ATG7: variants seen among roughly 807,000 people sequenced by gnomAD.
The protein encoded by ATG7 is autophagy related 7.
A neutral mutation model predicts 82.4 loss-of-function variants in ATG7; 70 were observed. The observed-to-expected ratio is 0.85, with a 90% CI of 0.70 to 1.04. The LOEUF (loss-of-function observed/expected upper bound fraction) is 1.04. ATG7 is among the 50% of genes least tolerant of loss of function. The pLI, the probability that ATG7 is intolerant of heterozygous loss-of-function variation, is 0.00. For missense variants in ATG7, 792 were observed against 864.3 expected (o/e 0.92, Z 1.05); for synonymous variants, 287 against 313.0 (o/e 0.92, Z 0.88).
chr3:11,557,549 C>T lies in ATG7; in HGVS notation c.*2706C>T, dbSNP rs2072557360. On this transcript the variant is annotated 3_prime_UTR_variant, in exon 21 of 21. Transcript: ENST00000693202. ...TCGCGAGGGCCTGCCAGGAGCTGGC[C>T]TCCCGCACTACTTGTGAGTAAAGTG... 1 of 152,532 alleles carries T rather than the reference C, an allele frequency of 6.6e-6. No individual in the cohort carries two copies. The highest frequency in any genetic ancestry group is 1.5e-5 in the Non-Finnish European group (1 of 68,040). The allele number at this position is 152,532 out of a possible 1,614,324, so 9.4% of individuals were successfully genotyped here.
chr3:11,510,978 G>T (rs2092022594), intron 20 of ATG7, among the ~76,000 whole-genome samples: 1 of 152,034 alleles, frequency 6.6e-6, no homozygotes, highest in Non-Finnish European at 1.5e-5. Context: ...TCTGGAGTCT[G>T]TCCCTTCTGA....
chr3:11,541,083 G>A (rs995581009), intron 20 of ATG7, among the ~76,000 whole-genome samples: 7 of 152,166 alleles, frequency 4.6e-5, no homozygotes, highest in East Asian at 3.9e-4. Context: ...TGTATTTTTA[G>A]TAGAGACGGG....
intron 3 of ATG7, among the ~76,000 whole-genome samples, chr3:11,297,725 C>T (rs947086457): frequency 1.3e-5 from 2 of 152,124 alleles, no homozygotes; most frequent in Non-Finnish European, 2.9e-5. Flanking sequence ...TGGGGAGAAG[C>T]ATATCCTCAT....
the ATG7 span, chr3:11,564,674 C>T: frequency 4.1e-6 from 5 of 1,206,626 alleles, no homozygotes; most frequent in Non-Finnish European, 5.7e-6. Flanking sequence ...CCCTCACCAC[C>T]TCCCTCCCTC....
At chr3:11,460,577 C>T (rs183998140) in intron 20 of ATG7, among the ~76,000 whole-genome samples, 16 of 152,292 alleles carry the variant, frequency 1.1e-4, no homozygotes, top group African/African-American at 3.9e-4. Flanking sequence ...CCTCAGAGTA[C>T]TTCCCATTCA....
chr3:11,476,330 G>T (rs890169501), intron 20 of ATG7, among the ~76,000 whole-genome samples: 2 of 152,116 alleles, frequency 1.3e-5, no homozygotes, highest in African/African-American at 4.8e-5. Context: ...TCTAGGAATA[G>T]CTGTCCTAAT....
At chr3:11,316,917 CTGAACTTAGGA>C (rs1210710034) in intron 9 of ATG7, among the ~76,000 whole-genome samples, 1 of 152,060 alleles carries the variant, frequency 6.6e-6, no homozygotes, top group Non-Finnish European at 1.5e-5. Context: ...ATTCTTTAGC[CTGAACTTAGGA>C]TGACTTTTTT....
At chr3:11,497,591 T>C (rs1489129555) in intron 20 of ATG7, among the ~76,000 whole-genome samples, 2 of 150,840 alleles carry the variant, frequency 1.3e-5, no homozygotes, top group Non-Finnish European at 2.9e-5. Context: ...TTCCGTAGTC[T>C]TTACCCTATC....
chr3:11,552,712 T>C (rs1395238945), intron 20 of ATG7, among the ~76,000 whole-genome samples: 1 of 152,148 alleles, frequency 6.6e-6, no homozygotes, highest in Non-Finnish European at 1.5e-5. Flanking sequence ...GTCTTCTGGG[T>C]GTCTCGCAGG....
intron 20 of ATG7, among the ~76,000 whole-genome samples, chr3:11,496,856 TTTTTA>T (rs746326585): frequency 1.2e-3 from 183 of 152,240 alleles, no homozygotes; most frequent in African/African-American, 4.0e-3. Context: ...TTTTTATTAT[TTTTTA>T]TTTTATTTTA....
chr3:11,448,978 T>C (rs567210274), intron 20 of ATG7, among the ~76,000 whole-genome samples: 14 of 152,270 alleles, frequency 9.2e-5, no homozygotes, highest in African/African-American at 3.4e-4. Context: ...AGGGTAAAAA[T>C]GTCACACAAA....
chr3:11,388,189 C>T (rs2078462888), intron 19 of ATG7, among the ~76,000 whole-genome samples: 1 of 152,128 alleles, frequency 6.6e-6, no homozygotes, highest in Non-Finnish European at 1.5e-5. Flanking sequence ...GACTCCTTTT[C>T]CTCAACTGTA....
chr3:11,574,785 ATGTGTGTGTGTGTGTGTG>A, the ATG7 span, among the ~76,000 whole-genome samples: 1,989 of 121,784 alleles, frequency 0.016, 56 homozygotes, highest in African/African-American at 0.059. Context: ...TCAACTATAT[ATGTGTGTGTGTGTGTGTG>A]TGTGTGTGTG....
chr3:11,392,316 T>G (rs538021926), intron 19 of ATG7, among the ~76,000 whole-genome samples: 1 of 152,290 alleles, frequency 6.6e-6, no homozygotes, highest in East Asian at 1.9e-4. Flanking sequence ...AAGACAGTGC[T>G]GTTTTGAAAA....
At chr3:11,286,068 A>G (rs1400826061) in intron 3 of ATG7, among the ~76,000 whole-genome samples, 3 of 152,170 alleles carry the variant, frequency 2.0e-5, no homozygotes, top group African/African-American at 4.8e-5. Flanking sequence ...GTTTCCTCCC[A>G]TGAGATCCAG....
chr3:11,526,887 G>A (rs947575374), intron 20 of ATG7, among the ~76,000 whole-genome samples: 2 of 151,886 alleles, frequency 1.3e-5, no homozygotes, highest in African/African-American at 4.8e-5. Context: ...GTTCCCTTTT[G>A]TTACTGATTT....
intron 20 of ATG7, among the ~76,000 whole-genome samples, chr3:11,448,444 C>CA (rs2084786965): frequency 6.6e-6 from 1 of 152,182 alleles, no homozygotes; most frequent in Admixed American, 6.5e-5. Context: ...CCCAGATGGC[C>CA]AGGCTCAGTG....
chr3:11,363,069 G>T (rs889284765), intron 17 of ATG7, 141 bp downstream of exon 17: 2 of 728,076 alleles, frequency 2.7e-6, no homozygotes, highest in Non-Finnish European at 2.2e-6. Context: ...ACTAGAAAAA[G>T]CAGGTCTGGT....
chr3:11,414,326 A>C (rs2081177427), intron 19 of ATG7, among the ~76,000 whole-genome samples: 1 of 152,142 alleles, frequency 6.6e-6, no homozygotes, highest in African/African-American at 2.4e-5. Flanking sequence ...TCGGCCTCCC[A>C]CAGTACTGGG....
Sources: gnomAD v4.1 joint callset for allele counts (sites outside exome capture counted in the v4.1 genomes callset) on GRCh38, gnomAD v4.1.1 for gene constraint, MANE v1.5 for transcripts, NCBI Gene and HGNC (gene_info 2026-07-23, HGNC 2026-07-21) for gene names.